Variants in RGS5 observed in about 807,000 individuals in gnomAD.
RGS5 encodes regulator of G-protein signalling 5.
RGS5 carries 20 observed loss-of-function variants against 18.9 expected under a neutral mutation model. The ratio of observed to expected loss-of-function variants is 1.06; its 90% CI spans 0.74 to 1.54. RGS5 has a LOEUF of 1.54. Among genes scored for constraint, RGS5 ranks in the 40% most tolerant of loss-of-function variants. RGS5 has a pLI of 0.00. For missense variants in RGS5, 201 were observed against 211.8 expected, an observed-to-expected ratio of 0.95 and a Z score of 0.32; for synonymous variants, 57 against 76.2, an observed-to-expected ratio of 0.75 and a Z score of 1.31.
chr1:163,157,312 C>T (rs572598649), intron 3 of RGS5, among the ~76,000 whole-genome samples: 34 of 152,278 alleles, frequency 2.2e-4, no homozygotes, highest in African/African-American at 4.3e-4. Context: ...ACTGTTTATA[C>T]GCCCAACGTG....
At chr1:163,230,127 T>C (rs1252484871) in intron 2 of RGS5, among the ~76,000 whole-genome samples, 1 of 152,212 alleles carries the variant, frequency 6.6e-6, no homozygotes, top group Non-Finnish European at 1.5e-5. Context: ...ATTCGTGTCA[T>C]TTCTTAATCA....
At position 163,165,680 on chromosome 1, in the gene RGS5, C is replaced by T. The variant is rs193079012; in HGVS notation, c.155+2578G>A. On this transcript the variant is annotated intron_variant, in intron 2 of 4. Coordinates refer to ENST00000313961, the MANE Select transcript of RGS5 (RefSeq NM_003617.4). ...CAGCACTTTGGGAGGCCGAGGTGGG[C>T]AGATCACCTGAGGTCAGGTGTTCGA... 2.6e-4 allele frequency among the ~76,000 whole-genome samples: 40 copies of T among 152,020 alleles called. No individual in the cohort carries two copies. In the East Asian group the frequency reaches 7.6e-3, roughly 29 times the overall value.
chr1:163,184,573 GA>G (rs1314666786), intron 1 of RGS5, among the ~76,000 whole-genome samples: 2 of 152,200 alleles, frequency 1.3e-5, no homozygotes, highest in Non-Finnish European at 2.9e-5. Flanking sequence ...GGACTTTGCA[GA>G]AGTGATAAGT....
chr1:163,255,266 C>A (rs979843337), intron 2 of RGS5, among the ~76,000 whole-genome samples: 5 of 152,130 alleles, frequency 3.3e-5, no homozygotes, highest in Non-Finnish European at 7.4e-5. Flanking sequence ...GATATTGATT[C>A]TTTCTACCCA....
chr1:163,145,419 G>A lies in RGS5; in HGVS notation c.*1923C>T, dbSNP rs1657092525. On this transcript the variant is annotated 3_prime_UTR_variant, in exon 5 of 5. Transcript: ENST00000313961. Reference sequence around the variant, plus strand: ...GGGTTGGCACTTTATTAACTTGGGGGCAATGTAGACATATGTTGAAGCTGG... The same window carrying A: ...GGGTTGGCACTTTATTAACTTGGGGACAATGTAGACATATGTTGAAGCTGG... 6.6e-6 allele frequency: 1 copy of A among 152,224 alleles called. No homozygotes were observed. Among genetic ancestry groups the A allele is most frequent in the Admixed American group, 6.5e-5 (1 of 15,278 alleles). The allele number at this position is 152,224 out of a possible 1,614,324, so 9.4% of individuals were successfully genotyped here.
chr1:163,321,215 G>C (rs950927359), intron 1 of RGS5: 1 of 152,246 alleles, frequency 6.6e-6, no homozygotes, highest in South Asian at 2.1e-4. Context: ...TGATCGAAGA[G>C]GGAGAAGCTA....
rs932257999 is a variant in RGS5 at position 163,301,474 on chromosome 1, G to A, written c.-281+4759C>T. On this transcript the variant is annotated intron_variant, in intron 2 of 5. Transcript: ENST00000618415. ...CAGCTTCCTGAGTATCTGGAACTAC[G>A]GGTGTGTGCCACCACACCCAGTTAA... Among the ~76,000 whole-genome samples the A allele has an allele frequency of 2.6e-5, 4 of 152,064 alleles. No homozygotes were observed. The East Asian group carries it at 7.8e-4, about 29-fold the overall frequency.
chr1:163,303,589 T>C (rs999261056), intron 2 of RGS5, among the ~76,000 whole-genome samples: 1 of 152,202 alleles, frequency 6.6e-6, no homozygotes, highest in Non-Finnish European at 1.5e-5. Context: ...ACTGTACTTC[T>C]GTATTTGCTC....
At chr1:163,187,105 A>G (rs1659122511) in intron 1 of RGS5, among the ~76,000 whole-genome samples, 1 of 152,194 alleles carries the variant, frequency 6.6e-6, no homozygotes, top group African/African-American at 2.4e-5. Context: ...CACTCCAGCC[A>G]TCTGCACTCA....
intron 1 of RGS5, among the ~76,000 whole-genome samples, chr1:163,185,199 T>C (rs545051000): frequency 6.6e-6 from 1 of 152,218 alleles, no homozygotes; most frequent in African/African-American, 2.4e-5. Flanking sequence ...TCCTATAGTC[T>C]TTATTTACAC....
chr1:163,265,142 G>C (rs199680694), intron 2 of RGS5, among the ~76,000 whole-genome samples: 1 of 152,060 alleles, frequency 6.6e-6, no homozygotes, highest in East Asian at 1.9e-4. Context: ...ACAAAGGTTA[G>C]TCCATAGTTT....
chr1:163,146,845 T>C lies in RGS5; in HGVS notation c.*497A>G, dbSNP rs897467376. The C allele has an allele frequency of 2.6e-5, 4 of 152,254 alleles. No individual in the cohort carries two copies. Among genetic ancestry groups the C allele is most frequent in the African/African-American group, 4.8e-5 (2 of 41,466 alleles). The allele number at this position is 152,254 out of a possible 1,614,324, so 9.4% of individuals were successfully genotyped here. On this transcript the variant is annotated 3_prime_UTR_variant, in exon 5 of 5. Transcript: ENST00000313961. ...GCTTAAAATATCATACAGTGGCTGCTTCATAAAAATCTTATAAACTTTTAT... is the reference window on the plus strand; with the variant it reads ...GCTTAAAATATCATACAGTGGCTGCCTCATAAAAATCTTATAAACTTTTAT...
chr1:163,225,467 C>T (rs1647313060), intron 2 of RGS5, among the ~76,000 whole-genome samples: 1 of 152,084 alleles, frequency 6.6e-6, no homozygotes, highest in Non-Finnish European at 1.5e-5. Context: ...AAATATTGAC[C>T]TTCTGGCTGC....
chr1:163,146,419 T>C lies in RGS5; in HGVS notation c.*923A>G, dbSNP rs936189235. The C allele has an allele frequency of 3.3e-5, 5 of 152,172 alleles. No individual in the cohort carries two copies. The highest frequency in any genetic ancestry group is 1.2e-4 in the African/African-American group (5 of 41,454). 9.4% of individuals were successfully genotyped at this position (152,172 alleles called of 1,614,324 possible). A position where few individuals can be genotyped will look rare whatever the true frequency, so the allele number is the denominator to read the frequency against. On this transcript the variant is annotated 3_prime_UTR_variant, in exon 5 of 5. Coordinates refer to ENST00000313961, the MANE Select transcript of RGS5 (RefSeq NM_003617.4). ...CCATTTTAGACTTGACCATATTTTC[T>C]CTTTTTAGCATATAGCCATCTTGAT... is the stretch of plus-strand genomic sequence containing the variant.
intron 2 of RGS5, among the ~76,000 whole-genome samples, chr1:163,254,600 C>T (rs1648218380): frequency 6.6e-6 from 1 of 152,060 alleles, no homozygotes; most frequent in South Asian, 2.1e-4. Context: ...TGTAGGTTGC[C>T]TGTTCACTCT....
chr1:163,147,635 A>T, intron 4 of RGS5, 132 bp from the exon 5 acceptor site: 1 of 811,820 alleles, frequency 1.2e-6, no homozygotes, highest in Non-Finnish European at 1.8e-6. Context: ...GAGACATGTC[A>T]CTTCTCACTT....
intron 2 of RGS5, among the ~76,000 whole-genome samples, chr1:163,239,992 T>C (rs938270402): frequency 3.3e-5 from 5 of 152,118 alleles, no homozygotes. Flanking sequence ...AATAAATAAA[T>C]GAGTGCCTCA....
chr1:163,291,059 AATCCCCAGTAC>A lies in RGS5; in HGVS notation c.-281+15163_-281+15173del, dbSNP rs1649271458. Among the ~76,000 whole-genome samples the A allele has an allele frequency of 2.0e-5, 3 of 152,122 alleles. No homozygotes were observed. The South Asian group carries it at 6.3e-4, about 32-fold the overall frequency. ...CAAAAGATTTTGTTTATATCATGTG[AATCCCCAGTAC>A]TGCAGATAGTTTCATCATTTCAGGG... On this transcript the variant is annotated intron_variant, in intron 2 of 5. Coordinates refer to the RGS5 transcript ENST00000618415.
intron 2 of RGS5, among the ~76,000 whole-genome samples, chr1:163,280,702 G>T (rs531840488): frequency 6.6e-6 from 1 of 151,860 alleles, no homozygotes; most frequent in Admixed American, 6.6e-5. Flanking sequence ...GCAATCTATA[G>T]ATTCAATGCA....
Sources: allele counts gnomAD v4.1 joint callset (sites outside exome capture counted in the v4.1 genomes callset), GRCh38; gene constraint gnomAD v4.1.1; transcripts MANE v1.5; gene names NCBI Gene and HGNC (gene_info 2026-07-23, HGNC 2026-07-21).